Variants in NRIP1 observed in about 807,000 individuals in gnomAD.
The protein encoded by NRIP1 is nuclear receptor-interacting protein 1.
A neutral mutation model predicts 75.0 loss-of-function variants in NRIP1; 28 were observed. The ratio of observed to expected loss-of-function variants is 0.37; its 90% CI spans 0.28 to 0.51. The LOEUF (loss-of-function observed/expected upper bound fraction) is 0.51. Among genes scored for constraint, NRIP1 ranks in the 20% least tolerant of loss-of-function variants. The pLI is 0.92. For synonymous variants in NRIP1, 526 were observed against 487.6 expected (o/e 1.08, Z -1.04); for missense variants, 1,435 against 1,343.7 (o/e 1.07, Z -1.06).
At chr21:14,986,805 C>T (rs1343329073) in intron 3 of NRIP1, among the ~76,000 whole-genome samples, 2 of 152,256 alleles carry the variant, frequency 1.3e-5, no homozygotes, top group East Asian at 1.9e-4. Flanking sequence ...CTTCATAATA[C>T]CAGATTACAC....
intron 1 of NRIP1, among the ~76,000 whole-genome samples, chr21:15,060,879 A>T (rs563586478): frequency 3.9e-5 from 6 of 152,254 alleles, no homozygotes; most frequent in Non-Finnish European, 7.4e-5. Flanking sequence ...TGTTCATTCC[A>T]ACCTCTCGAC....
intron 3 of NRIP1, among the ~76,000 whole-genome samples, chr21:14,993,774 G>C (rs1376503776): frequency 1.3e-5 from 2 of 151,138 alleles, no homozygotes; most frequent in Non-Finnish European, 1.5e-5. Flanking sequence ...AACAGAGAGA[G>C]ATATGTCTCA....
intron 2 of NRIP1, among the ~76,000 whole-genome samples, 180 bp downstream of exon 2, chr21:15,043,315 C>T (rs1170906415): frequency 3.3e-5 from 5 of 152,100 alleles, no homozygotes; most frequent in Non-Finnish European, 7.4e-5. Flanking sequence ...TTCGCTTACA[C>T]AAAATTTTGA....
chr21:14,982,375 T>G (rs1465774624), intron 3 of NRIP1, among the ~76,000 whole-genome samples: 1 of 152,210 alleles, frequency 6.6e-6, no homozygotes. Flanking sequence ...CTTAGTGCCC[T>G]TCCCCCCATA....
chr21:15,026,756 A>C (rs2088530754), intron 2 of NRIP1, among the ~76,000 whole-genome samples: 1 of 152,180 alleles, frequency 6.6e-6, no homozygotes, highest in Admixed American at 6.5e-5. Flanking sequence ...ATAAATACAC[A>C]CAATGGAATA....
intron 3 of NRIP1, among the ~76,000 whole-genome samples, chr21:14,973,627 A>G (rs2086965236): frequency 6.6e-6 from 1 of 152,076 alleles, no homozygotes; most frequent in South Asian, 2.1e-4. Context: ...ACCAAGAAGT[A>G]CTAAATTTTG....
chr21:14,988,656 C>A (rs1260615590), intron 3 of NRIP1, among the ~76,000 whole-genome samples: 2 of 151,992 alleles, frequency 1.3e-5, no homozygotes, highest in Non-Finnish European at 1.5e-5. Flanking sequence ...ATTTCATATA[C>A]AAAAGATGCA....
rs1043811969 is a variant in NRIP1, at chr21:15,043,584, A to C, written c.-537-10T>G. ...ACAATCCAAACACTTCCTGAAAATTAAGAGAAATAAGTGTTACTTCAAGTG... is the reference window on the plus strand; with the variant it reads ...ACAATCCAAACACTTCCTGAAAATTCAGAGAAATAAGTGTTACTTCAAGTG... On this transcript the variant is annotated splice_polypyrimidine_tract_variant and intron_variant, in intron 1 of 3. Transcript: ENST00000318948. 2 of 152,224 alleles carry C rather than the reference A, an allele frequency of 1.3e-5. No individual in the cohort carries two copies. Among genetic ancestry groups the C allele is most frequent in the African/African-American group, 4.8e-5 (2 of 41,464 alleles). 9.4% of individuals were successfully genotyped at this position (152,224 alleles called of 1,614,324 possible). A position where few individuals can be genotyped will look rare whatever the true frequency, so the allele number is the denominator to read the frequency against.
chr21:15,051,588 T>C (rs2147369216), intron 1 of NRIP1: 1 of 152,562 alleles, frequency 6.6e-6, no homozygotes, highest in South Asian at 2.1e-4. Context: ...CTATCTTGCA[T>C]TCAACACCAT....
Position 15,019,536 on chromosome 21 carries a change from T to C in NRIP1, c.-457-5070A>G, listed in dbSNP as rs890190565. Among the ~76,000 whole-genome samples the C allele has an allele frequency of 1.5e-4, 19 of 126,620 alleles. No individual in the cohort carries two copies. The Admixed American group carries it at 1.8e-3, about 12-fold the overall frequency. The allele number at this position is 126,620 out of a possible 152,430, so 83.1% of individuals were successfully genotyped here. On this transcript the variant is annotated intron_variant, in intron 2 of 3. Transcript: ENST00000318948. Reference sequence around the variant, plus strand: ...CACAGTCTCACTCTGTCGCCCAAGCTGGAGTGCAATGATGCAGTCTTGGCT... The same window carrying C: ...CACAGTCTCACTCTGTCGCCCAAGCCGGAGTGCAATGATGCAGTCTTGGCT...
intron 2 of NRIP1, among the ~76,000 whole-genome samples, chr21:15,034,138 C>T (rs1302748449): frequency 1.3e-5 from 2 of 152,160 alleles, no homozygotes; most frequent in Non-Finnish European, 2.9e-5. Flanking sequence ...GGAATAAAGC[C>T]TGTTAAAACT....
Position 15,058,499 on chromosome 21 carries a change from TAAA to T in NRIP1, c.-538+6243_-538+6245del, listed in dbSNP as rs377424618. 5.4e-4 allele frequency among the ~76,000 whole-genome samples: 82 copies of T among 152,120 alleles called. No homozygotes were observed. The East Asian group carries it at 0.014, about 25-fold the overall frequency. On this transcript the variant is annotated intron_variant, in intron 1 of 3. Coordinates refer to ENST00000318948, the MANE Select transcript of NRIP1 (RefSeq NM_003489.4). ...ATATAAACTCATAAATTCAGGAATT[TAAA>T]AAAAATCTTTAAAAGCATGCTTCTC...
chr21:14,982,449 C>T (rs1431159994), intron 3 of NRIP1, among the ~76,000 whole-genome samples: 1 of 152,094 alleles, frequency 6.6e-6, no homozygotes, highest in Non-Finnish European at 1.5e-5. Flanking sequence ...ATACAGAATC[C>T]TGTAATAAGC....
chr21:14,998,398 C>G (rs2087780515), intron 3 of NRIP1, among the ~76,000 whole-genome samples: 1 of 152,228 alleles, frequency 6.6e-6, no homozygotes, highest in African/African-American at 2.4e-5. Flanking sequence ...TTAATTATCA[C>G]TGAAGGAGGC....
chr21:15,013,225 T>G (rs982030763), intron 3 of NRIP1, among the ~76,000 whole-genome samples: 1 of 152,246 alleles, frequency 6.6e-6, no homozygotes, highest in Admixed American at 6.5e-5. Context: ...AGTAATTTTA[T>G]GCAGTCTTTT....
At chr21:15,029,342 C>G (rs1409706716) in intron 2 of NRIP1, among the ~76,000 whole-genome samples, 1 of 152,100 alleles carries the variant, frequency 6.6e-6, no homozygotes, top group African/African-American at 2.4e-5. Flanking sequence ...CTCTCCTTCC[C>G]AGAGGGCTGC....
At chr21:15,036,277 T>TCA (rs1187620566) in intron 2 of NRIP1, among the ~76,000 whole-genome samples, 1 of 152,182 alleles carries the variant, frequency 6.6e-6, no homozygotes, top group African/African-American at 2.4e-5. Flanking sequence ...CCAAACCTAT[T>TCA]CAGTTGCCAA....
chr21:15,037,149 T>C (rs2088854174), intron 2 of NRIP1, among the ~76,000 whole-genome samples: 1 of 152,114 alleles, frequency 6.6e-6, no homozygotes, highest in African/African-American at 2.4e-5. Context: ...GTAAGTTAAG[T>C]CAAAGAAATG....
At chr21:14,983,508 T>C (rs1340843331) in intron 3 of NRIP1, among the ~76,000 whole-genome samples, 1 of 152,072 alleles carries the variant, frequency 6.6e-6, no homozygotes, top group African/African-American at 2.4e-5. Context: ...ACAGAAAAGC[T>C]CAGCAAGAAA....
Sources: gnomAD v4.1 joint callset for allele counts (sites outside exome capture counted in the v4.1 genomes callset) on GRCh38, gnomAD v4.1.1 for gene constraint, MANE v1.5 for transcripts, NCBI Gene and HGNC (gene_info 2026-07-23, HGNC 2026-07-21) for gene names.